Variants in CSNK2A1 observed in about 807,000 individuals in gnomAD.
CSNK2A1 encodes casein kinase 2 alpha 1.
A neutral mutation model predicts 62.9 loss-of-function variants in CSNK2A1; 10 were observed. The ratio of observed to expected loss-of-function variants is 0.16; its 90% CI spans 0.10 to 0.27. CSNK2A1 has a LOEUF of 0.27. CSNK2A1 is among the 10% of genes least tolerant of loss of function. The pLI is 1.00. For missense variants in CSNK2A1, 160 were observed against 492.0 expected (o/e 0.33, Z 6.38); for synonymous variants, 124 against 167.8 (o/e 0.74, Z 2.02).
At chr20:531,539 G>C (rs2019212596) in intron 1 of CSNK2A1, among the ~76,000 whole-genome samples, 1 of 151,882 alleles carries the variant, frequency 6.6e-6, no homozygotes, top group African/African-American at 2.4e-5. Flanking sequence ...TGAACTCTCT[G>C]GTAAATGTAT....
chr20:502,379 A>G (rs1029998395), intron 4 of CSNK2A1: 4 of 152,160 alleles, frequency 2.6e-5, no homozygotes, highest in African/African-American at 9.7e-5. Flanking sequence ...CCATTAACCC[A>G]ACTGCTGGTT....
chr20:506,281 T>G (rs2018600907), intron 3 of CSNK2A1: 1 of 152,254 alleles, frequency 6.6e-6, no homozygotes, highest in African/African-American at 2.4e-5. Flanking sequence ...AGCCACACTT[T>G]GGCAGCAGCT....
At chr20:489,983 A>C in intron 9 of CSNK2A1, 102 bp from the exon 10 acceptor site, 1 of 908,002 alleles carries the variant, frequency 1.1e-6, no homozygotes, top group African/African-American at 1.7e-5. Flanking sequence ...CACTCCACTG[A>C]CTCAAAATCA....
chr20:517,990 A>G (rs566518207), intron 2 of CSNK2A1, among the ~76,000 whole-genome samples: 1 of 152,174 alleles, frequency 6.6e-6, no homozygotes, highest in Admixed American at 6.5e-5. Flanking sequence ...TTCCAACACT[A>G]ATCAGTTCCT....
Position 475,102 on chromosome 20 carries a change from G to A in CSNK2A1, c.*8859C>T, listed in dbSNP as rs2017821148. 6.6e-6 allele frequency: 1 copy of A among 152,184 alleles called. No homozygotes were observed. Among genetic ancestry groups the A allele is most frequent in the African/African-American group, 2.4e-5 (1 of 41,426 alleles). The allele number at this position is 152,184 out of a possible 1,614,324, so 9.4% of individuals were successfully genotyped here. A position where few individuals can be genotyped will look rare whatever the true frequency, so the allele number is the denominator to read the frequency against. ...CACCCTGTGTATAGTGGAATGTTGT[G>A]TTGTTTCTGGCCATGGAGTCTCAAA... On this transcript the variant is annotated 3_prime_UTR_variant, in exon 14 of 14. Coordinates refer to ENST00000217244, the MANE Select transcript of CSNK2A1 (RefSeq NM_177559.3).
chr20:537,986 G>A (rs1410466782), intron 1 of CSNK2A1, among the ~76,000 whole-genome samples: 3 of 148,572 alleles, frequency 2.0e-5, no homozygotes, highest in South Asian at 4.2e-4. Flanking sequence ...TTTTGAGACG[G>A]AGTCTTGCTC....
chr20:518,509 G>A (rs1274808136), intron 2 of CSNK2A1, among the ~76,000 whole-genome samples: 1 of 152,008 alleles, frequency 6.6e-6, no homozygotes, highest in Non-Finnish European at 1.5e-5. Context: ...CTTACTGTGG[G>A]CCTCAAATGA....
At chr20:517,969 CTT>C (rs1014830247) in intron 2 of CSNK2A1, among the ~76,000 whole-genome samples, 8 of 152,126 alleles carry the variant, frequency 5.3e-5, no homozygotes, top group African/African-American at 1.9e-4. Context: ...TCTTTATTTT[CTT>C]TTCTCTACTT....
chr20:500,180 T>C, intron 4 of CSNK2A1: 1 of 455,664 alleles, frequency 2.2e-6, no homozygotes, highest in Non-Finnish European at 4.0e-6. Context: ...TTCTGCAGAA[T>C]TAGCATTTCA....
In CSNK2A1 at chr20:499,819, CCTA is replaced by C. The variant is rs1442379756; in HGVS notation, c.315+11_315+13del. On this transcript the variant is annotated intron_variant, in intron 5 of 13. Coordinates refer to ENST00000217244, the MANE Select transcript of CSNK2A1 (RefSeq NM_177559.3). This position sits in a 1 kb window ranked among gnomAD's most constrained non-coding sequence, Gnocchi z 4.2. Reference sequence around the variant, plus strand: ...TCAGCTCTGGCGGGCCTTGCTAACACCTACTATACTCACCACAGGGTCTTTTAC... The same window carrying C: ...TCAGCTCTGGCGGGCCTTGCTAACACCTATACTCACCACAGGGTCTTTTAC... 3 of 1,612,588 alleles carry C rather than the reference CCTA, an allele frequency of 1.9e-6. No individual in the cohort carries two copies. The highest frequency in any genetic ancestry group is 2.5e-6 in the Non-Finnish European group (3 of 1,179,622).
chr20:534,544 G>C (rs941517527), intron 1 of CSNK2A1, among the ~76,000 whole-genome samples: 18 of 152,088 alleles, frequency 1.2e-4, no homozygotes, highest in African/African-American at 4.1e-4. Flanking sequence ...GACATCTGTG[G>C]GCCTCAGTGT....
chr20:497,272 C>T (rs2018364062), intron 7 of CSNK2A1, among the ~76,000 whole-genome samples: 1 of 152,154 alleles, frequency 6.6e-6, no homozygotes, highest in Non-Finnish European at 1.5e-5. Context: ...CACAGCCTCC[C>T]AAGTAGCTGG....
At position 485,115 on chromosome 20, in the gene CSNK2A1, T is replaced by A. The variant is rs927343451; in HGVS notation, c.1061-1039A>T. On this transcript the variant is annotated intron_variant, in intron 13 of 13. Coordinates refer to ENST00000217244, the MANE Select transcript of CSNK2A1 (RefSeq NM_177559.3). The stretch of plus-strand genomic sequence containing the variant: ...AAAAAAAAAAAAAAAAAAAAATATA[T>A]ATATATATATATATATATATATGAG... Among the ~76,000 whole-genome samples, 162 of 48,970 alleles carry A rather than the reference T, an allele frequency of 3.3e-3. 2 individuals are homozygous for A. The highest frequency in any genetic ancestry group is 4.1e-3 in the Non-Finnish European group (118 of 28,440). 32.1% of individuals were successfully genotyped at this position (48,970 alleles called of 152,430 possible).
At chr20:523,871 A>AAAAAAAAC (rs1568553094) in intron 2 of CSNK2A1, among the ~76,000 whole-genome samples, 1 of 150,802 alleles carries the variant, frequency 6.6e-6, no homozygotes, top group African/African-American at 2.4e-5. Flanking sequence ...AAAAAAAAAA[A>AAAAAAAAC]AAAAAAAAAA....
At position 499,960 on chromosome 20, in the gene CSNK2A1, A is replaced by G; in HGVS notation, c.214-26T>C. On this transcript the variant is annotated intron_variant, in intron 4 of 13. Coordinates refer to ENST00000217244, the MANE Select transcript of CSNK2A1 (RefSeq NM_177559.3). This position sits in a 1 kb window ranked among gnomAD's most constrained non-coding sequence, Gnocchi z 4.2. ...CTGAAAGGGGAAAAGTACATCAGCA[A>G]AAAAAAAAAAAAAAAATTTTTTCAG... is the stretch of plus-strand genomic sequence containing the variant. 4.6e-6 allele frequency: 2 copies of G among 438,708 alleles called. No individual in the cohort carries two copies. 27.2% of individuals were successfully genotyped at this position (438,708 alleles called of 1,614,324 possible). A position where few individuals can be genotyped will look rare whatever the true frequency, so the allele number is the denominator to read the frequency against.
chr20:486,843 G>T, intron 12 of CSNK2A1: 1 of 202,608 alleles, frequency 4.9e-6, no homozygotes, highest in Non-Finnish European at 1.0e-5. Flanking sequence ...CAAAGCTATA[G>T]GTCCATGTAG....
chr20:487,056 G>A (rs909731641), intron 12 of CSNK2A1: 1 of 222,634 alleles, frequency 4.5e-6, no homozygotes, highest in Non-Finnish European at 8.9e-6. Flanking sequence ...ACAAATCTAA[G>A]TCAAGGTGTT....
chr20:492,907 C>A (rs994189402), intron 8 of CSNK2A1, among the ~76,000 whole-genome samples: 3 of 152,032 alleles, frequency 2.0e-5, no homozygotes, highest in Admixed American at 1.3e-4. Context: ...GATGAAATAA[C>A]AGAAAAGTCA....
rs149024553 is a variant in CSNK2A1, at chr20:537,489, T to C, written c.-227+6183A>G. ...TTTAAAAGACTCAATCTTTGACTTCTACATGTGAAAAAAAAAAAGTACATC... is the reference window on the plus strand; with the variant it reads ...TTTAAAAGACTCAATCTTTGACTTCCACATGTGAAAAAAAAAAAGTACATC... On this transcript the variant is annotated intron_variant, in intron 1 of 13. Transcript: ENST00000217244. Among the ~76,000 whole-genome samples, 811 of 149,788 alleles carry C rather than the reference T, an allele frequency of 5.4e-3. 7 individuals carry two copies. Among genetic ancestry groups the C allele is most frequent in the African/African-American group, 0.017 (682 of 39,748 alleles).
Sources: gnomAD v4.1 joint callset for allele counts (sites outside exome capture counted in the v4.1 genomes callset) on GRCh38, gnomAD v4.1.1 for gene constraint, Gnocchi (gnomAD v3.1) non-coding constraint, MANE v1.5 for transcripts, NCBI Gene and HGNC (gene_info 2026-07-23, HGNC 2026-07-21) for gene names.